The following SKAP1 variants were observed in gnomAD, a reference collection of about 807,000 sequenced individuals.
SKAP1 encodes the protein src kinase-associated phosphoprotein 1.
Under a neutral mutation model 58.5 loss-of-function variants are expected in SKAP1, and 44 were observed. The ratio of observed to expected loss-of-function variants is 0.75; its 90% CI spans 0.59 to 0.97. The LOEUF (loss-of-function observed/expected upper bound fraction) is 0.97, where lower values mean the gene tolerates loss of function less well. Among genes scored for constraint, SKAP1 ranks in the 50% least tolerant of loss-of-function variants. SKAP1 has a pLI of 0.00. For synonymous variants in SKAP1, 127 were observed against 149.7 expected (o/e 0.85, Z 1.11); for missense variants, 390 against 435.2 (o/e 0.90, Z 0.92).
intron 11 of SKAP1, among the ~76,000 whole-genome samples, chr17:48,158,338 A>G (rs2064013493): frequency 6.6e-6 from 1 of 151,260 alleles, no homozygotes; most frequent in African/African-American, 2.4e-5. Context: ...CGAGGTCAGG[A>G]GATCCAGACC....
chr17:48,279,476 G>A (rs1455433811), intron 4 of SKAP1, among the ~76,000 whole-genome samples: 1 of 152,172 alleles, frequency 6.6e-6, no homozygotes, highest in East Asian at 1.9e-4. Context: ...GATAACATAT[G>A]AGGAGGACTT....
At chr17:48,268,291 G>C (rs758957275) in intron 4 of SKAP1, among the ~76,000 whole-genome samples, 12 of 149,050 alleles carry the variant, frequency 8.1e-5, no homozygotes, top group Non-Finnish European at 1.8e-4. Context: ...ACCCACACCT[G>C]TGTTACATAT....
intron 4 of SKAP1, among the ~76,000 whole-genome samples, chr17:48,344,745 A>T (rs2066699578): frequency 6.6e-6 from 1 of 152,210 alleles, no homozygotes; most frequent in Non-Finnish European, 1.5e-5. Flanking sequence ...TTGTGCTATT[A>T]TACAAAATAA....
intron 4 of SKAP1, among the ~76,000 whole-genome samples, chr17:48,205,155 G>T (rs2064793935): frequency 1.3e-5 from 2 of 148,212 alleles, no homozygotes; most frequent in African/African-American, 5.0e-5. Context: ...TGTTGCCCAG[G>T]CTGGAGTGCA....
intron 4 of SKAP1, among the ~76,000 whole-genome samples, chr17:48,191,111 C>A (rs2064539636): frequency 6.6e-6 from 1 of 152,228 alleles, no homozygotes; most frequent in South Asian, 2.1e-4. Flanking sequence ...TTTCAATTAG[C>A]CTTGTTAGGT....
intron 4 of SKAP1, among the ~76,000 whole-genome samples, chr17:48,335,130 G>A (rs1420069819): frequency 1.3e-5 from 2 of 151,192 alleles, no homozygotes; most frequent in Non-Finnish European, 3.0e-5. Flanking sequence ...CCCTTTTGAG[G>A]AAAAAAGGGC....
At chr17:48,231,316 A>G (rs1567830271) in intron 4 of SKAP1, among the ~76,000 whole-genome samples, 1 of 152,174 alleles carries the variant, frequency 6.6e-6, no homozygotes, top group Non-Finnish European at 1.5e-5. Flanking sequence ...GGTCTCTCAG[A>G]CCAGTAATTA....
At chr17:48,422,472 G>T (rs1451504147) in intron 1 of SKAP1, among the ~76,000 whole-genome samples, 1 of 152,022 alleles carries the variant, frequency 6.6e-6, no homozygotes, top group Non-Finnish European at 1.5e-5. Flanking sequence ...TATAAATTCT[G>T]TAAGATAGGT....
chr17:48,161,373 T>C lies in SKAP1; in HGVS notation c.978+1096A>G, dbSNP rs559612720. Reference sequence around the variant, plus strand: ...GTTGTGCCTATTTCAAAAATGTGTTTGTAGAGATTGATTGGCTGCATAGAG... The same window carrying C: ...GTTGTGCCTATTTCAAAAATGTGTTCGTAGAGATTGATTGGCTGCATAGAG... On this transcript the variant is annotated intron_variant, in intron 11 of 12. Transcript: ENST00000336915. 1.3e-3 allele frequency among the ~76,000 whole-genome samples: 196 copies of C among 152,246 alleles called. 1 individual carries two copies. Among genetic ancestry groups the C allele is most frequent in the Non-Finnish European group, 1.8e-3 (122 of 68,040 alleles).
chr17:48,396,083 T>C (rs2144529925), intron 2 of SKAP1, among the ~76,000 whole-genome samples: 1 of 152,320 alleles, frequency 6.6e-6, no homozygotes, highest in African/African-American at 2.4e-5. Flanking sequence ...GAAAATATAT[T>C]ATAAAGGAAA....
intron 4 of SKAP1, among the ~76,000 whole-genome samples, chr17:48,273,708 C>G (rs1017186172): frequency 6.6e-6 from 1 of 152,138 alleles, no homozygotes; most frequent in South Asian, 2.1e-4. Flanking sequence ...GCTAAGCCAC[C>G]GTGCCCGGCT....
intron 4 of SKAP1, among the ~76,000 whole-genome samples, chr17:48,230,388 T>C (rs1452666): frequency 0.56 from 84,902 of 151,944 alleles, 24,716 homozygotes; most frequent in East Asian, 0.77. Context: ...CCAGAACTGC[T>C]TGATGGGGGA....
intron 2 of SKAP1, among the ~76,000 whole-genome samples, chr17:48,386,177 C>T (rs2067274065): frequency 6.6e-6 from 1 of 152,092 alleles, no homozygotes; most frequent in South Asian, 2.1e-4. Context: ...TAGTAAGTTT[C>T]CTAATAAAGA....
At chr17:48,362,902 G>C (rs1228289286) in intron 3 of SKAP1, among the ~76,000 whole-genome samples, 3 of 152,124 alleles carry the variant, frequency 2.0e-5, no homozygotes, top group Non-Finnish European at 4.4e-5. Context: ...GAAAGTTATA[G>C]AGCAAAATAG....
chr17:48,210,241 G>A (rs976416113), intron 4 of SKAP1, among the ~76,000 whole-genome samples: 1 of 152,148 alleles, frequency 6.6e-6, no homozygotes, highest in Non-Finnish European at 1.5e-5. Flanking sequence ...CGACACCTTG[G>A]AGCCGTGGTT....
At chr17:48,277,729 A>G (rs897501690) in intron 4 of SKAP1, among the ~76,000 whole-genome samples, 2 of 152,198 alleles carry the variant, frequency 1.3e-5, no homozygotes, top group Non-Finnish European at 2.9e-5. Context: ...GCTCCCAAGT[A>G]GCTTAGGACT....
chr17:48,259,769 A>G (rs1465902581), intron 4 of SKAP1, among the ~76,000 whole-genome samples: 1 of 152,176 alleles, frequency 6.6e-6, no homozygotes. Flanking sequence ...GCCTTTAAAA[A>G]CATGAGGAGA....
chr17:48,205,015 TTTTC>T (rs1555602831), intron 4 of SKAP1, among the ~76,000 whole-genome samples: 1 of 55,676 alleles, frequency 1.8e-5, no homozygotes, highest in Non-Finnish European at 3.5e-5. Flanking sequence ...CTTTCTTTCT[TTTTC>T]TTTCTTTCTT....
chr17:48,398,228 T>A (rs2067446235), intron 1 of SKAP1, among the ~76,000 whole-genome samples: 1 of 152,168 alleles, frequency 6.6e-6, no homozygotes, highest in African/African-American at 2.4e-5. Flanking sequence ...CCACCTGAGC[T>A]CCAGCTCCTG....
Sources: allele counts gnomAD v4.1 joint callset (sites outside exome capture counted in the v4.1 genomes callset), GRCh38; gene constraint gnomAD v4.1.1; transcripts MANE v1.5; gene names NCBI Gene and HGNC (gene_info 2026-07-23, HGNC 2026-07-21).